Variants in UBE2H observed in about 807,000 individuals in gnomAD.
UBE2H encodes the protein ubiquitin conjugating enzyme E2 H.
Under a neutral mutation model 29.0 loss-of-function variants are expected in UBE2H, and 3 were observed. The observed-to-expected ratio is 0.10, with a 90% CI of 0.05 to 0.27. UBE2H has a LOEUF of 0.27. Among genes scored for constraint, UBE2H ranks in the 10% least tolerant of loss-of-function variants. UBE2H has a pLI of 1.00. For synonymous variants in UBE2H, 69 were observed against 82.9 expected (o/e 0.83, Z 0.91); for missense variants, 68 against 228.2 (o/e 0.30, Z 4.52).
At chr7:129,898,341 C>T (rs1806641005) in intron 1 of UBE2H, among the ~76,000 whole-genome samples, 1 of 151,958 alleles carries the variant, frequency 6.6e-6, no homozygotes, top group African/African-American at 2.4e-5. Flanking sequence ...CTGTCAGGTA[C>T]AATTAGGACA....
chr7:129,931,050 C>G (rs1419543518), intron 1 of UBE2H, among the ~76,000 whole-genome samples: 1 of 151,296 alleles, frequency 6.6e-6, no homozygotes, highest in Non-Finnish European at 1.5e-5. Context: ...GAAACCCAAT[C>G]TCTATTAAAT....
chr7:129,890,276 T>C (rs1451899461), intron 1 of UBE2H, among the ~76,000 whole-genome samples: 1 of 133,054 alleles, frequency 7.5e-6, no homozygotes, highest in African/African-American at 2.5e-5. Context: ...TATACACACG[T>C]ATATATATAC....
intron 1 of UBE2H, among the ~76,000 whole-genome samples, chr7:129,942,838 TG>T (rs775510407): frequency 2.0e-5 from 3 of 151,878 alleles, no homozygotes; most frequent in Non-Finnish European, 4.4e-5. Flanking sequence ...TAAAGTGTAA[TG>T]TGTTTTTTTT....
chr7:129,895,558 CTATT>C (rs1806582909), intron 1 of UBE2H, among the ~76,000 whole-genome samples: 1 of 152,094 alleles, frequency 6.6e-6, no homozygotes, highest in African/African-American at 2.4e-5. Flanking sequence ...ATGAAAACAT[CTATT>C]TATTTCTTCC....
chr7:129,946,059 T>A lies in UBE2H; in HGVS notation c.53+6444A>T, dbSNP rs956775676. On this transcript the variant is annotated intron_variant, in intron 1 of 6. Coordinates refer to ENST00000355621, the MANE Select transcript of UBE2H (RefSeq NM_003344.4). ...CTGTGCCCAGCCTAGTCATTATTATTTTTTTTTTTTTGAGACGAAGTCTCA... is the reference window on the plus strand; with the variant it reads ...CTGTGCCCAGCCTAGTCATTATTATATTTTTTTTTTTGAGACGAAGTCTCA... 1.4e-3 allele frequency among the ~76,000 whole-genome samples: 218 copies of A among 151,444 alleles called. 5 individuals carry two copies. The highest frequency in any genetic ancestry group is 7.4e-5 in the Non-Finnish European group (5 of 67,830).
chr7:129,878,489 C>T (rs2116366328), intron 3 of UBE2H, among the ~76,000 whole-genome samples: 1 of 152,058 alleles, frequency 6.6e-6, no homozygotes, highest in East Asian at 1.9e-4. Context: ...CAAGACCATC[C>T]TGGCTAACAC....
intron 1 of UBE2H, among the ~76,000 whole-genome samples, chr7:129,887,905 G>A (rs2693746): frequency 0.95 from 144,042 of 152,268 alleles, 68,532 homozygotes; most frequent in East Asian, 1. Context: ...CAAAACAAAA[G>A]CAAAAACAAA....
chr7:129,942,593 A>AGTTT (rs1807670265), intron 1 of UBE2H, among the ~76,000 whole-genome samples: 1 of 152,176 alleles, frequency 6.6e-6, no homozygotes. Context: ...CTTTCACCTG[A>AGTTT]GTTTATTCCA....
intron 1 of UBE2H, among the ~76,000 whole-genome samples, chr7:129,894,756 T>G (rs1285615614): frequency 6.6e-6 from 1 of 152,118 alleles, no homozygotes; most frequent in African/African-American, 2.4e-5. Flanking sequence ...CCCAAAGTGC[T>G]GGCATTACAG....
At position 129,925,347 on chromosome 7, in the gene UBE2H, GA is replaced by G. The variant is rs569415946; in HGVS notation, c.53+27155del. On this transcript the variant is annotated intron_variant, in intron 1 of 6. Transcript: ENST00000355621. ...GGGCAACAGAGCAAGACTCAGTCTC[GA>G]AAAAAAAAAGATATTCATAAACAAA... Among the ~76,000 whole-genome samples, 1,312 of 143,800 alleles carry G rather than the reference GA, an allele frequency of 9.1e-3. 6 individuals are homozygous for G. The highest frequency in any genetic ancestry group is 0.022 in the South Asian group (102 of 4,568). The allele number at this position is 143,800 out of a possible 152,430, so 94.3% of individuals were successfully genotyped here.
At chr7:129,889,586 T>C (rs1040268917) in intron 1 of UBE2H, among the ~76,000 whole-genome samples, 3 of 152,208 alleles carry the variant, frequency 2.0e-5, no homozygotes, top group African/African-American at 7.2e-5. Flanking sequence ...CCATGCAATA[T>C]ACTATGTATT....
intron 1 of UBE2H, among the ~76,000 whole-genome samples, chr7:129,906,015 G>T (rs1806808308): frequency 6.6e-6 from 1 of 151,990 alleles, no homozygotes; most frequent in African/African-American, 2.4e-5. Flanking sequence ...GTTGAATCTG[G>T]GGTCTCTGAA....
intron 1 of UBE2H, among the ~76,000 whole-genome samples, chr7:129,935,072 G>A (rs1476541578): frequency 6.6e-6 from 1 of 151,112 alleles, no homozygotes. Flanking sequence ...ATAAACATAT[G>A]TATATATAGA....
intron 1 of UBE2H, among the ~76,000 whole-genome samples, chr7:129,941,891 A>G (rs917279569): frequency 6.6e-6 from 1 of 152,170 alleles, no homozygotes; most frequent in Admixed American, 6.5e-5. Context: ...GATGCCAAAA[A>G]AAAATTTTAA....
At chr7:129,947,043 G>GA (rs35898647) in intron 1 of UBE2H, among the ~76,000 whole-genome samples, 51,913 of 151,946 alleles carry the variant, frequency 0.34, 8,863 homozygotes, top group Admixed American at 0.39. Context: ...TGCAACACTA[G>GA]AAAACCAACA....
chr7:129,928,516 T>C (rs904334911), intron 1 of UBE2H, among the ~76,000 whole-genome samples: 4 of 152,262 alleles, frequency 2.6e-5, no homozygotes, highest in Non-Finnish European at 5.9e-5. Flanking sequence ...GGCAGAAGAA[T>C]TGCTTGAACT....
intron 3 of UBE2H, among the ~76,000 whole-genome samples, chr7:129,878,708 C>A: frequency 6.7e-6 from 1 of 148,726 alleles, no homozygotes; most frequent in African/African-American, 2.5e-5. Context: ...AAAAAAAAGC[C>A]CACAGCAGTA....
intron 1 of UBE2H, among the ~76,000 whole-genome samples, chr7:129,882,220 C>T (rs187674261): frequency 2.6e-4 from 40 of 152,222 alleles, no homozygotes; most frequent in Admixed American, 1.4e-3. Flanking sequence ...ATCTGCTTTG[C>T]GGTAAAATCC....
At chr7:129,912,559 T>C (rs1451315671) in intron 1 of UBE2H, among the ~76,000 whole-genome samples, 2 of 152,216 alleles carry the variant, frequency 1.3e-5, no homozygotes, top group Non-Finnish European at 2.9e-5. Flanking sequence ...CTGAAGGTAA[T>C]TTTAAACAAT....
Sources: gnomAD v4.1 joint callset for allele counts (sites outside exome capture counted in the v4.1 genomes callset) on GRCh38, gnomAD v4.1.1 for gene constraint, MANE v1.5 for transcripts, NCBI Gene and HGNC (gene_info 2026-07-23, HGNC 2026-07-21) for gene names.